Variants in ARK2C observed in about 807,000 individuals in gnomAD.
The protein encoded by ARK2C is arkadia (RNF111) C-terminal like ring finger ubiquitin ligase 2C.
chr18:46,334,847 A>T, the ARK2C span: 2 of 184,984 alleles, frequency 1.1e-5, no homozygotes, highest in African/African-American at 4.7e-5. This position sits in a 1 kb window ranked among gnomAD's most constrained non-coding sequence, Gnocchi z 4.4. Context: ...ATGGCTGGCT[A>T]GCTGGGACCT....
At chr18:46,365,566 C>T in the ARK2C span, among the ~76,000 whole-genome samples, 8 of 152,250 alleles carry the variant, frequency 5.3e-5, no homozygotes, top group South Asian at 4.1e-4. Flanking sequence ...TGCAATGGTG[C>T]GATCTTGGCT....
At chr18:46,410,876 A>T in the ARK2C span, among the ~76,000 whole-genome samples, 1 of 152,208 alleles carries the variant, frequency 6.6e-6, no homozygotes, top group Non-Finnish European at 1.5e-5. Context: ...TGCCTTTGTA[A>T]TGTTTACGGG....
chr18:46,384,320 C>T, the ARK2C span, among the ~76,000 whole-genome samples: 177 of 152,320 alleles, frequency 1.2e-3, no homozygotes, highest in African/African-American at 3.8e-3. Flanking sequence ...CCAGTCTTCC[C>T]GAGGACATGC....
chr18:46,407,558 T>C, the ARK2C span, among the ~76,000 whole-genome samples: 10 of 151,308 alleles, frequency 6.6e-5, no homozygotes, highest in African/African-American at 2.2e-4. Context: ...TTTAGTGTTT[T>C]TTTGTTTTGT....
the ARK2C span, among the ~76,000 whole-genome samples, chr18:46,422,198 T>A: frequency 2.6e-5 from 4 of 152,232 alleles, no homozygotes; most frequent in African/African-American, 9.7e-5. Context: ...TGTAGTCAAG[T>A]AGTTAGCTTA....
chr18:46,430,773 T>A, the ARK2C span, among the ~76,000 whole-genome samples: 12 of 152,336 alleles, frequency 7.9e-5, no homozygotes, highest in Middle Eastern at 0.01. Flanking sequence ...TTCTCATTGA[T>A]CCTTCTTCAA....
At chr18:46,385,194 T>C in the ARK2C span, among the ~76,000 whole-genome samples, 5 of 152,238 alleles carry the variant, frequency 3.3e-5, no homozygotes, top group East Asian at 9.6e-4. Flanking sequence ...GGTGGTGTGA[T>C]GTCATGGGCC....
At chr18:46,400,192 C>T in the ARK2C span, among the ~76,000 whole-genome samples, 1 of 152,210 alleles carries the variant, frequency 6.6e-6, no homozygotes, top group African/African-American at 2.4e-5. Flanking sequence ...GACCCTCATG[C>T]TGGTCACCCC....
the ARK2C span, among the ~76,000 whole-genome samples, chr18:46,373,532 C>T: frequency 6.6e-6 from 1 of 152,194 alleles, no homozygotes; most frequent in Non-Finnish European, 1.5e-5. Context: ...CTGTTGATGA[C>T]CCAGTTGAAA....
At chr18:46,407,641 C>T in the ARK2C span, among the ~76,000 whole-genome samples, 14 of 152,106 alleles carry the variant, frequency 9.2e-5, no homozygotes, top group East Asian at 1.9e-4. Flanking sequence ...AGACTCCAGC[C>T]GTGGCTTGCG....
chr18:46,455,949 A>T, the ARK2C span: 5 of 1,495,068 alleles, frequency 3.3e-6, no homozygotes, highest in Admixed American at 8.5e-5. Context: ...CAGGTAATGA[A>T]TACTACTCTC....
At chr18:46,336,673 A>G in the ARK2C span, 3 of 985,296 alleles carry the variant, frequency 3.0e-6, no homozygotes, top group African/African-American at 3.5e-5. Context: ...GAATAGATGT[A>G]GAGAAATAAC....
the ARK2C span, chr18:46,456,087 G>C: frequency 1.9e-6 from 3 of 1,553,840 alleles, no homozygotes; most frequent in East Asian, 2.2e-5. Flanking sequence ...TGAGGTAGGA[G>C]ACCGCCATTT....
the ARK2C span, among the ~76,000 whole-genome samples, chr18:46,433,964 G>A: frequency 3.9e-5 from 6 of 152,188 alleles, no homozygotes; most frequent in Non-Finnish European, 5.9e-5. Flanking sequence ...GAAATGGCTG[G>A]TTCCAGGAAC....
the ARK2C span, among the ~76,000 whole-genome samples, chr18:46,423,193 C>T: frequency 2.6e-5 from 4 of 152,214 alleles, no homozygotes; most frequent in Admixed American, 2.6e-4. Flanking sequence ...ATTTGTCTTG[C>T]TACAGAAGCA....
the ARK2C span, among the ~76,000 whole-genome samples, chr18:46,342,167 G>A: frequency 6.6e-6 from 1 of 152,212 alleles, no homozygotes; most frequent in African/African-American, 2.4e-5. Flanking sequence ...GAGGCCAAGA[G>A]TGGTGAAAGC....
chr18:46,358,597 G>A, the ARK2C span, among the ~76,000 whole-genome samples: 1 of 152,154 alleles, frequency 6.6e-6, no homozygotes, highest in Non-Finnish European at 1.5e-5. Flanking sequence ...TTCAGGTGTG[G>A]TGGCTGTGGA....
the ARK2C span, among the ~76,000 whole-genome samples, chr18:46,444,227 T>C: frequency 6.6e-6 from 1 of 152,146 alleles, no homozygotes; most frequent in African/African-American, 2.4e-5. Flanking sequence ...TTATGTCCCT[T>C]GGAGTGGTTT....
At chr18:46,380,154 C>G in the ARK2C span, among the ~76,000 whole-genome samples, 1 of 152,244 alleles carries the variant, frequency 6.6e-6, no homozygotes, top group East Asian at 1.9e-4. Flanking sequence ...ATCTTCGTGT[C>G]TCTGCCTTGG....
Sources: gnomAD v4.1 joint callset for allele counts (sites outside exome capture counted in the v4.1 genomes callset) on GRCh38, gnomAD v4.1.1 for gene constraint, Gnocchi (gnomAD v3.1) non-coding constraint, MANE v1.5 for transcripts, NCBI Gene and HGNC (gene_info 2026-07-23, HGNC 2026-07-21) for gene names.